The following SGCD variants were observed in gnomAD, a reference collection of about 807,000 sequenced individuals.
The protein encoded by SGCD is delta-sarcoglycan.
A neutral mutation model predicts 36.6 loss-of-function variants in SGCD; 18 were observed. That is an observed-to-expected ratio of 0.49 (90% CI 0.34 to 0.73). SGCD has a LOEUF of 0.73. Among genes scored for constraint, SGCD ranks in the 30% least tolerant of loss-of-function variants. SGCD has a pLI of 0.01. For missense variants in SGCD, 387 were observed against 346.7 expected (o/e 1.12, Z -0.92); for synonymous variants, 133 against 130.6 (o/e 1.02, Z -0.12).
intron 4 of SGCD, among the ~76,000 whole-genome samples, chr5:156,516,507 C>T (rs1757177026): frequency 6.6e-6 from 1 of 152,156 alleles, no homozygotes; most frequent in Non-Finnish European, 1.5e-5. Flanking sequence ...AAACCCTATC[C>T]AAAGGTCAGC....
At chr5:156,262,713 A>G (rs1023576983) in intron 3 of SGCD, among the ~76,000 whole-genome samples, 21 of 151,916 alleles carry the variant, frequency 1.4e-4, no homozygotes, top group South Asian at 4.2e-4. Flanking sequence ...CAAGTCCCCA[A>G]AGTCCACTGT....
At chr5:156,276,700 G>A (rs1766327167) in intron 3 of SGCD, among the ~76,000 whole-genome samples, 1 of 152,030 alleles carries the variant, frequency 6.6e-6, no homozygotes, top group South Asian at 2.1e-4. Flanking sequence ...CATGGTCTCT[G>A]CATTCATGGC....
chr5:155,755,577 G>C, the SGCD span, among the ~76,000 whole-genome samples: 179 of 152,314 alleles, frequency 1.2e-3, 5 homozygotes, highest in East Asian at 0.031. Flanking sequence ...AAAAGGACTG[G>C]TTCTTGGGAT....
At chr5:155,824,287 A>G in the SGCD span, among the ~76,000 whole-genome samples, 1 of 152,206 alleles carries the variant, frequency 6.6e-6, no homozygotes, top group African/African-American at 2.4e-5. Context: ...AAGTTGCCTC[A>G]TTTGTAAAAT....
chr5:155,879,750 A>G (rs924550471), intron 1 of SGCD, among the ~76,000 whole-genome samples: 7 of 152,302 alleles, frequency 4.6e-5, no homozygotes, highest in African/African-American at 1.7e-4. Flanking sequence ...AAAACTTTCC[A>G]AAGATTTTCA....
intron 7 of SGCD, among the ~76,000 whole-genome samples, chr5:156,653,480 AT>A (rs1359721805): frequency 5.3e-4 from 8 of 15,210 alleles, no homozygotes; most frequent in Non-Finnish European, 9.0e-4. Flanking sequence ...TTCTTACGTA[AT>A]TCTAAAGCTT....
At chr5:156,514,052 T>C (rs957090435) in intron 4 of SGCD, among the ~76,000 whole-genome samples, 4 of 152,254 alleles carry the variant, frequency 2.6e-5, no homozygotes, top group Non-Finnish European at 5.9e-5. Flanking sequence ...TATTTCAATG[T>C]GATTGGATAT....
At chr5:155,962,922 T>G (rs1757821297) in intron 1 of SGCD, among the ~76,000 whole-genome samples, 1 of 152,184 alleles carries the variant, frequency 6.6e-6, no homozygotes, top group Admixed American at 6.5e-5. Flanking sequence ...ACTCTGCTAG[T>G]GCTTATTTGC....
At chr5:156,249,837 A>G (rs1043241310) in intron 3 of SGCD, among the ~76,000 whole-genome samples, 68 of 152,238 alleles carry the variant, frequency 4.5e-4, no homozygotes, top group African/African-American at 1.5e-3. Context: ...TAAACAGCAT[A>G]TTATTAATCT....
intron 7 of SGCD, among the ~76,000 whole-genome samples, chr5:156,747,257 A>G (rs1258289168): frequency 6.6e-6 from 1 of 152,248 alleles, no homozygotes; most frequent in East Asian, 1.9e-4. Context: ...CAGTTTGACA[A>G]TTTCTAATTG....
intron 3 of SGCD, among the ~76,000 whole-genome samples, chr5:156,414,066 C>T (rs1259694396): frequency 2.6e-5 from 4 of 152,318 alleles, no homozygotes; most frequent in African/African-American, 9.6e-5. Context: ...ACCCCATTTT[C>T]TCGATTAGAC....
chr5:156,254,872 T>A (rs892465198), intron 3 of SGCD, among the ~76,000 whole-genome samples: 1 of 152,146 alleles, frequency 6.6e-6, no homozygotes, highest in Non-Finnish European at 1.5e-5. Context: ...AATCTCATTT[T>A]TTTTTGTAAA....
At chr5:156,449,902 AAGCTG>A (rs1753933842) in intron 3 of SGCD, among the ~76,000 whole-genome samples, 1 of 151,788 alleles carries the variant, frequency 6.6e-6, no homozygotes, top group Admixed American at 6.6e-5. Context: ...AATTTCTCCA[AAGCTG>A]GTCTTGCTAT....
intron 7 of SGCD, among the ~76,000 whole-genome samples, chr5:156,757,170 G>A (rs1018161069): frequency 7.2e-6 from 1 of 139,426 alleles, no homozygotes; most frequent in Admixed American, 7.9e-5. Context: ...ATCTGATTCT[G>A]CCTCCATGGA....
At chr5:156,477,599 A>G (rs1243160264) in intron 3 of SGCD, among the ~76,000 whole-genome samples, 1 of 151,352 alleles carries the variant, frequency 6.6e-6, no homozygotes, top group Non-Finnish European at 1.5e-5. Flanking sequence ...GGGACTTTGC[A>G]GGCATCTCTC....
intron 1 of SGCD, among the ~76,000 whole-genome samples, chr5:156,113,071 T>C (rs1311882338): frequency 6.6e-6 from 1 of 151,022 alleles, no homozygotes; most frequent in East Asian, 1.9e-4. Context: ...AAAAGAAAAC[T>C]GTTTAAATCA....
At chr5:156,573,064 T>C (rs749091836) in intron 4 of SGCD, among the ~76,000 whole-genome samples, 1 of 152,240 alleles carries the variant, frequency 6.6e-6, no homozygotes, top group Non-Finnish European at 1.5e-5. Flanking sequence ...TTTTGTATTT[T>C]ATATTAATGA....
At position 156,594,946 on chromosome 5, in the gene SGCD, G is replaced by C. The variant is rs746717495; in HGVS notation, c.397G>C (p.Glu133Gln). The C allele has an allele frequency of 1.2e-6, 2 of 1,607,116 alleles. No homozygotes were observed. The highest frequency in any genetic ancestry group is 1.7e-6 in the Non-Finnish European group (2 of 1,175,174). ...ATATCTCTCAGGTCCAAAAGCCGTA[G>C]AAGCTTATGGTAAAAAATTTGAGGT... ...TQLITGPKAV[E>Q]AYGKKFEVKT... Residue 133 changes from glutamate (E) to glutamine (Q), a missense_variant, in exon 6 of 9, where the codon GAA becomes CAA. By Grantham distance (29) the Glu-to-Gln change is conservative. Transcript: ENST00000337851.
intron 7 of SGCD, among the ~76,000 whole-genome samples, chr5:156,707,412 A>T (rs560714831): frequency 5.9e-5 from 9 of 152,134 alleles, no homozygotes; most frequent in Admixed American, 6.5e-5. Flanking sequence ...TCAATTTTAC[A>T]CATTTTAATG....
Sources: allele counts gnomAD v4.1 joint callset (sites outside exome capture counted in the v4.1 genomes callset), GRCh38; gene constraint gnomAD v4.1.1; transcripts MANE v1.5; gene names NCBI Gene and HGNC (gene_info 2026-07-23, HGNC 2026-07-21).